TMEM192: variants seen among roughly 807,000 people sequenced by gnomAD.
The protein encoded by TMEM192 is transmembrane protein 192.
Under a neutral mutation model 26.7 loss-of-function variants are expected in TMEM192, and 20 were observed. The observed-to-expected ratio is 0.75, with a 90% CI of 0.53 to 1.09. The LOEUF is 1.09. Among genes scored for constraint, TMEM192 ranks in the 50% least tolerant of loss-of-function variants. TMEM192 has a pLI of 0.00. For synonymous variants in TMEM192, 124 were observed against 121.0 expected, an observed-to-expected ratio of 1.02 and a Z score of -0.16; for missense variants, 304 against 322.6, an observed-to-expected ratio of 0.94 and a Z score of 0.44.
At chr4:165,087,230 A>G (rs2110750057) in intron 4 of TMEM192, among the ~76,000 whole-genome samples, 1 of 152,344 alleles carries the variant, frequency 6.6e-6, no homozygotes, top group East Asian at 1.9e-4. Context: ...TTAAGTATAA[A>G]CAAGATCATG....
At chr4:165,110,406 T>C (rs1001502273) in intron 1 of TMEM192, among the ~76,000 whole-genome samples, 1 of 152,184 alleles carries the variant, frequency 6.6e-6, no homozygotes, top group African/African-American at 2.4e-5. Context: ...TGAATCCAAC[T>C]CTTTCCATGA....
intron 4 of TMEM192, among the ~76,000 whole-genome samples, chr4:165,087,514 G>A (rs371311478): frequency 6.6e-6 from 1 of 152,186 alleles, no homozygotes; most frequent in Admixed American, 6.5e-5. Flanking sequence ...ATGCAGGCTG[G>A]TATTGTTAAC....
At chr4:165,097,717 G>A (rs1734946646) in intron 3 of TMEM192, among the ~76,000 whole-genome samples, 1 of 150,492 alleles carries the variant, frequency 6.6e-6, no homozygotes, top group African/African-American at 2.4e-5. Flanking sequence ...GGGCTCAAGT[G>A]GATCCTCCCA....
rs780527147 is a variant in TMEM192, at chr4:165,112,801, G to A, written c.-28C>T. 33 of 1,603,242 alleles carry A rather than the reference G, an allele frequency of 2.1e-5. No individual in the cohort carries two copies. The highest frequency in any genetic ancestry group is 2.6e-5 in the Non-Finnish European group (31 of 1,178,204). On this transcript the variant is annotated 5_prime_UTR_variant, in exon 1 of 6. Coordinates refer to ENST00000306480, the MANE Select transcript of TMEM192 (RefSeq NM_001100389.2). ...CCCGACGCCGGAGGCCGAAGCCCTG[G>A]CCAGCCCGGCCTCTCCACCTGGACC...
At chr4:165,089,019 C>T in intron 3 of TMEM192, among the ~76,000 whole-genome samples, 2 of 102,370 alleles carry the variant, frequency 2.0e-5, no homozygotes, top group African/African-American at 3.9e-5. Context: ...CCAGCCTGGG[C>T]AACAGAGCAA....
chr4:165,104,798 T>C (rs1735127362), intron 1 of TMEM192, among the ~76,000 whole-genome samples: 3 of 152,196 alleles, frequency 2.0e-5, no homozygotes, highest in South Asian at 4.1e-4. Flanking sequence ...CCCAAAGTGC[T>C]GGGATTACAG....
At chr4:165,112,358 G>A (rs1183802239) in intron 1 of TMEM192, among the ~76,000 whole-genome samples, 1 of 152,164 alleles carries the variant, frequency 6.6e-6, no homozygotes, top group South Asian at 2.1e-4. Flanking sequence ...GGAACCCATC[G>A]GCCCGGCTCC....
In TMEM192 at chr4:165,074,988, T is replaced by C. The variant is rs1734342627; in HGVS notation, c.*4670A>G. 6.6e-6 allele frequency: 1 copy of C among 152,216 alleles called. No homozygotes were observed. The highest frequency in any genetic ancestry group is 2.1e-4 in the South Asian group (1 of 4,836). The allele number at this position is 152,216 out of a possible 1,614,324, so 9.4% of individuals were successfully genotyped here. A position where few individuals can be genotyped will look rare whatever the true frequency, so the allele number is the denominator to read the frequency against. On this transcript the variant is annotated 3_prime_UTR_variant, in exon 6 of 6. Transcript: ENST00000306480. ...AAAAGACCATATAATTTGGAAAAAA[T>C]GTTTAACACTTCATTAGTATCCAAA... is the stretch of plus-strand genomic sequence containing the variant.
chr4:165,092,278 T>C (rs1362704803), intron 3 of TMEM192, among the ~76,000 whole-genome samples: 2 of 152,096 alleles, frequency 1.3e-5, no homozygotes, highest in Non-Finnish European at 2.9e-5. Context: ...TGTGCCATCA[T>C]GTCCAGCTAA....
chr4:165,096,341 G>A (rs1011349672), intron 3 of TMEM192, among the ~76,000 whole-genome samples: 1 of 151,802 alleles, frequency 6.6e-6, no homozygotes, highest in East Asian at 2.0e-4. Context: ...GGAGGCAGAG[G>A]TTGCAGTTAG....
intron 5 of TMEM192, among the ~76,000 whole-genome samples, chr4:165,080,211 T>A (rs1001331607): frequency 2.6e-5 from 4 of 152,170 alleles, no homozygotes; most frequent in Middle Eastern, 6.3e-3. Flanking sequence ...ATGTATGGCA[T>A]TTGTTTATTT....
intron 1 of TMEM192, among the ~76,000 whole-genome samples, chr4:165,108,139 TG>T (rs68149698): frequency 0.13 from 2,367 of 18,254 alleles, 578 homozygotes; most frequent in Middle Eastern, 0.29. Context: ...TTTTTTTTTT[TG>T]GAGATGTAGT....
At chr4:165,085,292 A>T (rs1180944931) in intron 5 of TMEM192, among the ~76,000 whole-genome samples, 1 of 151,016 alleles carries the variant, frequency 6.6e-6, no homozygotes, top group Non-Finnish European at 1.5e-5. Flanking sequence ...AAAAAAAAAA[A>T]AGACACCTAT....
chr4:165,100,680 G>A lies in TMEM192; in HGVS notation c.387C>T (p.Ile129=). Residue 129 remains isoleucine (I), a synonymous_variant, in exon 3 of 6, where the codon ATC becomes ATT. Coordinates refer to ENST00000306480, the MANE Select transcript of TMEM192 (RefSeq NM_001100389.2). ...SKIRNRGYNL[I]YRSTRHLKRL... is the part of the protein sequence containing the mutation. Reference sequence around the variant, plus strand: ...TCTTGAGATGCCTTGTTGATCGGTAGATCAAGTTATAGCCTCGGTTTCTGA... The same window carrying A: ...TCTTGAGATGCCTTGTTGATCGGTAAATCAAGTTATAGCCTCGGTTTCTGA... 6.2e-7 allele frequency: 1 copy of A among 1,614,158 alleles called. No individual in the cohort carries two copies. Among genetic ancestry groups the A allele is most frequent in the African/African-American group, 1.3e-5 (1 of 75,038 alleles).
chr4:165,104,634 G>A (rs184219277), intron 1 of TMEM192, among the ~76,000 whole-genome samples: 2 of 152,172 alleles, frequency 1.3e-5, no homozygotes, highest in Admixed American at 6.6e-5. Context: ...GGGTTCAATC[G>A]ATTCTCCTGT....
rs751463008 is a variant in TMEM192 at position 165,085,723 on chromosome 4, G to A, written c.575-35C>T. 3 of 1,433,654 alleles carry A rather than the reference G, an allele frequency of 2.1e-6. No individual in the cohort carries two copies. The Admixed American group carries it at 6.0e-5, about 29-fold the overall frequency. 88.8% of individuals were successfully genotyped at this position (1,433,654 alleles called of 1,614,324 possible). On this transcript the variant is annotated intron_variant, in intron 4 of 5. Transcript: ENST00000306480. ...TAAAGTCATTATTAGATCGAATTCT[G>A]AAAGACAAGTCTAGTTTCATTTTTT...
intron 3 of TMEM192, among the ~76,000 whole-genome samples, chr4:165,089,525 G>T (rs6819226): frequency 6.6e-6 from 1 of 152,138 alleles, no homozygotes; most frequent in East Asian, 1.9e-4. Flanking sequence ...GGGTTTCACC[G>T]TGTTAGCCAG....
intron 1 of TMEM192, chr4:165,111,552 G>T (rs1431218136): frequency 2.6e-5 from 4 of 152,106 alleles, no homozygotes; most frequent in Non-Finnish European, 4.4e-5. Context: ...TACATATTCG[G>T]TTTTTTCTGT....
At chr4:165,094,248 G>C (rs1734839383) in intron 3 of TMEM192, among the ~76,000 whole-genome samples, 1 of 152,014 alleles carries the variant, frequency 6.6e-6, no homozygotes, top group Non-Finnish European at 1.5e-5. Context: ...TGTTGGCCAA[G>C]CTGGTCTGGA....
Sources: allele counts gnomAD v4.1 joint callset (sites outside exome capture counted in the v4.1 genomes callset), GRCh38; gene constraint gnomAD v4.1.1; transcripts MANE v1.5; gene names NCBI Gene and HGNC (gene_info 2026-07-23, HGNC 2026-07-21).